TNNT1: variants seen among roughly 807,000 people sequenced by gnomAD.
TNNT1 encodes the protein troponin T1, slow skeletal type.
Under a neutral mutation model 50.6 loss-of-function variants are expected in TNNT1, and 53 were observed. The observed-to-expected ratio is 1.05, with a 90% CI of 0.84 to 1.32. The LOEUF is 1.32. Among genes scored for constraint, TNNT1 ranks in the 40% most tolerant of loss-of-function variants. The pLI is 0.00. For missense variants in TNNT1, 348 were observed against 381.7 expected, an observed-to-expected ratio of 0.91 and a Z score of 0.74; for synonymous variants, 142 against 138.0, an observed-to-expected ratio of 1.03 and a Z score of -0.20.
At chr19:55,133,695 A>AAT in intron 13 of TNNT1, 192 bp downstream of exon 13, 2 of 650,820 alleles carry the variant, frequency 3.1e-6, no homozygotes, top group Non-Finnish European at 5.3e-6. Context: ...AAAAAAAAAA[A>AAT]GAAAGAAAAA....
chr19:55,137,972 A>G lies in TNNT1; in HGVS notation c.490T>C (p.Tyr164His). ...LSNMGAHFGGYLVKAEQKRGK... is the reference protein window; with the variant it reads ...LSNMGAHFGGHLVKAEQKRGK... The stretch of plus-strand genomic sequence containing the variant: ...GCAGGCTGACTCACCTTGACCAGGT[A>G]GCCGCCAAAATGGGCCCCCATGTTG... Residue 164 changes from tyrosine (Y) to histidine (H), a missense_variant, in exon 10 of 14, where the codon TAC (tyrosine) becomes CAC (histidine). Physicochemically the swap from Tyr to His is moderately conservative, Grantham distance 83. Around this residue, in one of 3 missense-constraint regions of TNNT1, gnomAD observed 253 missense variants for 291.8 expected, o/e 0.87. Transcript: ENST00000588981. 2 of 1,614,172 alleles carry G rather than the reference A, an allele frequency of 1.2e-6. No individual in the cohort carries two copies. The highest frequency in any genetic ancestry group is 1.7e-6 in the Non-Finnish European group (2 of 1,180,020).
At chr19:55,141,733 G>T in intron 7 of TNNT1, 124 bp downstream of exon 7, 3 of 1,132,736 alleles carry the variant, frequency 2.6e-6, no homozygotes, top group Non-Finnish European at 2.7e-6. Context: ...GGTCACCTCA[G>T]CCTCCCAAAG....
intron 7 of TNNT1, among the ~76,000 whole-genome samples, 191 bp from the exon 8 acceptor site, chr19:55,141,493 G>A (rs2085453991): frequency 6.6e-6 from 1 of 151,794 alleles, no homozygotes; most frequent in Non-Finnish European, 1.5e-5. Context: ...AGTGGGGAGT[G>A]GGGACCGGCG....
chr19:55,146,371 GGATATCGGGGGTCCCCCCGGGCCCCC>G, intron 5 of TNNT1, 37 bp downstream of exon 5: 9 of 1,255,302 alleles, frequency 7.2e-6, no homozygotes, highest in Non-Finnish European at 9.4e-6. Flanking sequence ...TGGGGCCCGA[GGATATCGGGGGTCCCCCCGGGCCCCC>G]GACATCGGTC....
rs567018288 is a variant in TNNT1, at chr19:55,146,867, C to T, written c.46+141G>A. The T allele has an allele frequency of 2.3e-5, 29 of 1,267,362 alleles. No homozygotes were observed. The African/African-American group carries it at 4.1e-4, about 18-fold the overall frequency. 78.5% of individuals were successfully genotyped at this position (1,267,362 alleles called of 1,614,324 possible). ...GCGGTGCAGGGATGGCGCGAGGAGA[C>T]GCTCCAGACCCGGAGAGGGCGGGCG... On this transcript the variant is annotated intron_variant, in intron 3 of 13. Coordinates refer to ENST00000588981, the MANE Select transcript of TNNT1 (RefSeq NM_003283.6).
At chr19:55,136,949 GCAGAGGCC>G (rs2085355204) in intron 11 of TNNT1, among the ~76,000 whole-genome samples, 146 bp downstream of exon 11, 1 of 152,050 alleles carries the variant, frequency 6.6e-6, no homozygotes, top group African/African-American at 2.4e-5. Context: ...AAAGAAGGCA[GCAGAGGCC>G]CAGAGAGGGG....
At chr19:55,138,341 G>C (rs138128632) in intron 9 of TNNT1, among the ~76,000 whole-genome samples, 1 of 150,618 alleles carries the variant, frequency 6.6e-6, no homozygotes, top group Non-Finnish European at 1.5e-5. Flanking sequence ...GCAGTGGTGC[G>C]ATCTTGGCTC....
Position 55,141,925 on chromosome 19 carries a change from G to A in TNNT1, c.129-5C>T. Reference sequence around the variant, plus strand: ...AAAGGAGGCACCACGGGGCGGCTGAGTGGACAGAAACACAGAGACCATGAG... The same window carrying A: ...AAAGGAGGCACCACGGGGCGGCTGAATGGACAGAAACACAGAGACCATGAG... On this transcript the variant is annotated splice_polypyrimidine_tract_variant and splice_region_variant and intron_variant, in intron 6 of 13. Coordinates refer to ENST00000588981, the MANE Select transcript of TNNT1 (RefSeq NM_003283.6). 6.2e-7 allele frequency: 1 copy of A among 1,614,042 alleles called. No homozygotes were observed.
Position 55,145,583 on chromosome 19 carries a change from T to C in TNNT1, c.107-18A>G. The C allele has an allele frequency of 6.2e-7, 1 of 1,613,264 alleles. No individual in the cohort carries two copies. The highest frequency in any genetic ancestry group is 1.1e-5 in the South Asian group (1 of 91,054). On this transcript the variant is annotated intron_variant, in intron 5 of 13. Coordinates refer to ENST00000588981, the MANE Select transcript of TNNT1 (RefSeq NM_003283.6). ...TTCCTCTTCTGTTGGTGGTGGGGGA[T>C]AAAAAGAGATAATTAGCAAGAGTTT...
chr19:55,143,499 G>A (rs112738331), intron 6 of TNNT1, among the ~76,000 whole-genome samples: 3,105 of 152,232 alleles, frequency 0.02, 127 homozygotes, highest in African/African-American at 0.071. Context: ...GGGGAGGGAA[G>A]AGGTGAGGAC....
intron 6 of TNNT1, 163 bp from the exon 7 acceptor site, chr19:55,142,083 G>A: frequency 1.5e-6 from 1 of 674,028 alleles, no homozygotes; most frequent in East Asian, 2.6e-5. Flanking sequence ...ACAAAAGAAG[G>A]TAAAATACCT....
chr19:55,136,647 C>T (rs948831375), intron 11 of TNNT1, among the ~76,000 whole-genome samples: 2 of 152,146 alleles, frequency 1.3e-5, no homozygotes, highest in South Asian at 2.1e-4. Flanking sequence ...GAGAAACAGG[C>T]GGGCTCCTGA....
chr19:55,144,161 C>T (rs925290997), intron 6 of TNNT1, among the ~76,000 whole-genome samples: 5 of 151,342 alleles, frequency 3.3e-5, no homozygotes, highest in Non-Finnish European at 5.9e-5. Flanking sequence ...CTCTGCCTCC[C>T]GGTTCAAGCG....
At chr19:55,140,043 G>C (rs943846282) in intron 9 of TNNT1, among the ~76,000 whole-genome samples, 8 of 151,978 alleles carry the variant, frequency 5.3e-5, no homozygotes, top group African/African-American at 1.9e-4. Flanking sequence ...GGAATTGCTT[G>C]AACCAGGAGG....
At chr19:55,145,467 T>C in intron 6 of TNNT1, 77 bp downstream of exon 6, 1 of 1,466,682 alleles carries the variant, frequency 6.8e-7, no homozygotes. Flanking sequence ...TCTGCCTTTC[T>C]CACACCTTGT....
intron 11 of TNNT1, 56 bp downstream of exon 11, chr19:55,137,047 T>C: frequency 8.6e-7 from 1 of 1,165,776 alleles, no homozygotes; most frequent in Non-Finnish European, 1.3e-6. Context: ...GTGAGCTCCT[T>C]TATCCCCCTG....
At chr19:55,141,721 T>C (rs1384804866) in intron 7 of TNNT1, 136 bp downstream of exon 7, 1 of 947,934 alleles carries the variant, frequency 1.1e-6, no homozygotes, top group Non-Finnish European at 1.7e-6. Flanking sequence ...TGACCTCAGG[T>C]GGGTCACCTC....
intron 11 of TNNT1, among the ~76,000 whole-genome samples, chr19:55,135,810 CGCGCCCGCCCG>C (rs1436166637): frequency 1.3e-5 from 2 of 152,130 alleles, no homozygotes; most frequent in African/African-American, 4.8e-5. Flanking sequence ...TGTGAGCCGC[CGCGCCCGCCCG>C]GCCAACAATA....
In TNNT1 at chr19:55,132,798, C is replaced by T. The variant is rs1221174008; in HGVS notation, c.*117G>A. 5.3e-5 allele frequency: 52 copies of T among 980,082 alleles called. No individual in the cohort carries two copies. In the South Asian group the frequency reaches 5.4e-4, roughly 10 times the overall value. 60.7% of individuals were successfully genotyped at this position (980,082 alleles called of 1,614,324 possible). On this transcript the variant is annotated 3_prime_UTR_variant, in exon 14 of 14. Transcript: ENST00000588981. ...ATTAACCAGGAGAGACCAGCTGCAT[C>T]TCAACCATAATAACATCAGAGAACC...
Sources: gnomAD v4.1 joint callset for allele counts (sites outside exome capture counted in the v4.1 genomes callset) on GRCh38, gnomAD v4.1.1 for gene constraint, gnomAD v4.1.1 regional missense constraint, MANE v1.5 for transcripts, NCBI Gene and HGNC (gene_info 2026-07-23, HGNC 2026-07-21) for gene names.